Variants in VPS13D observed in about 807,000 individuals in gnomAD.
The protein encoded by VPS13D is intermembrane lipid transfer protein VPS13D.
VPS13D carries 187 observed loss-of-function variants against 461.9 expected under a neutral mutation model. That is an observed-to-expected ratio of 0.40 (90% CI 0.36 to 0.46). The LOEUF (loss-of-function observed/expected upper bound fraction) is 0.46. Among genes scored for constraint, VPS13D ranks in the 20% least tolerant of loss-of-function variants. The pLI, the probability that VPS13D is intolerant of heterozygous loss-of-function variation, is 0.60. For missense variants in VPS13D, 4,711 were observed against 5,364.9 expected, an observed-to-expected ratio of 0.88 and a Z score of 3.81; for synonymous variants, 1,951 against 1,986.3, an observed-to-expected ratio of 0.98 and a Z score of 0.47.
At chr1:12,378,222 C>T (rs1296067701) in intron 55 of VPS13D, among the ~76,000 whole-genome samples, 1 of 152,134 alleles carries the variant, frequency 6.6e-6, no homozygotes, top group East Asian at 1.9e-4. Flanking sequence ...TTGTTTGGTT[C>T]AAGAGGTTAG....
chr1:12,469,064 G>T (rs1182638817), intron 67 of VPS13D, among the ~76,000 whole-genome samples: 1 of 151,178 alleles, frequency 6.6e-6, no homozygotes, highest in Non-Finnish European at 1.5e-5. Context: ...AAAAACTTTT[G>T]TTATATTGGG....
intron 68 of VPS13D, chr1:12,500,155 A>ATT (rs1473357307): frequency 1.0e-6 from 1 of 985,072 alleles, no homozygotes; most frequent in Non-Finnish European, 1.2e-6. Context: ...ATTCTCCCAG[A>ATT]TCGAGTTGCA....
Position 12,244,493 on chromosome 1 carries a change from G to C in VPS13D, c.367-44G>C, listed in dbSNP as rs762204866. On this transcript the variant is annotated intron_variant, in intron 4 of 69. Transcript: ENST00000620676. ...AGTTGTGGTGACACGTGTAAGATGA[G>C]CAAGAACACTAGATTGAGCTAATGC... 3.7e-6 allele frequency: 6 copies of C among 1,613,808 alleles called. No homozygotes were observed. In the Admixed American group the frequency reaches 1.0e-4, roughly 27 times the overall value.
chr1:12,292,746 G>A (rs1012720045), intron 23 of VPS13D, among the ~76,000 whole-genome samples: 1 of 152,000 alleles, frequency 6.6e-6, no homozygotes, highest in Admixed American at 6.6e-5. Flanking sequence ...GCCAGTGTGT[G>A]TGTTTTTTTT....
In VPS13D at chr1:12,460,400, A is replaced by T; in HGVS notation, c.12662+4A>T. On this transcript the variant is annotated splice_donor_region_variant and intron_variant, in intron 67 of 69. Transcript: ENST00000620676. Reference sequence around the variant, plus strand: ...CAGCCACACTCAGCGGCCCCAGGTCAGTGGTGTGGGAAGAATGGCTTTTGC... The same window carrying T: ...CAGCCACACTCAGCGGCCCCAGGTCTGTGGTGTGGGAAGAATGGCTTTTGC... The T allele has an allele frequency of 6.3e-7, 1 of 1,576,526 alleles. No individual in the cohort carries two copies. The highest frequency in any genetic ancestry group is 8.6e-7 in the Non-Finnish European group (1 of 1,160,598).
At chr1:12,249,840 G>A (rs1359131572) in intron 6 of VPS13D, among the ~76,000 whole-genome samples, 1 of 152,138 alleles carries the variant, frequency 6.6e-6, no homozygotes, top group Non-Finnish European at 1.5e-5. Context: ...TCCCCCACAC[G>A]CCAAGCAGTT....
At chr1:12,338,012 C>A in intron 39 of VPS13D, 53 of 366,296 alleles carry the variant, frequency 1.4e-4, no homozygotes, top group Middle Eastern at 1.6e-3. Flanking sequence ...AAGCATGTTA[C>A]TTTGATCCAG....
chr1:12,428,940 A>G (rs1396306338), intron 65 of VPS13D, among the ~76,000 whole-genome samples: 1 of 152,228 alleles, frequency 6.6e-6, no homozygotes. Flanking sequence ...GTCTGTGCAA[A>G]CTGCACAGTT....
At chr1:12,278,661 G>A (rs1290479117) in intron 19 of VPS13D, among the ~76,000 whole-genome samples, 1 of 152,188 alleles carries the variant, frequency 6.6e-6, no homozygotes, top group Non-Finnish European at 1.5e-5. Flanking sequence ...TGTTGTTAAA[G>A]TATTGTTTAA....
intron 65 of VPS13D, among the ~76,000 whole-genome samples, chr1:12,433,679 C>T (rs1224565851): frequency 6.6e-6 from 1 of 152,118 alleles, no homozygotes; most frequent in Non-Finnish European, 1.5e-5. Flanking sequence ...AAAACTATTG[C>T]CAATGGGCAC....
chr1:12,322,661 C>T lies in VPS13D; in HGVS notation c.7830C>T (p.Asp2610=). 6.2e-7 allele frequency: 1 copy of T among 1,614,228 alleles called. No individual in the cohort carries two copies. The highest frequency in any genetic ancestry group is 8.5e-7 in the Non-Finnish European group (1 of 1,180,032). ...CAGACTCAGTGGCCCTGGAGTCAGA[C>T]TCCGTTGGCACTTACCTTCCAGGTG... ...AVPDSVALES[D]SVGTYLPGAS... The change falls in exon 34 of 70, where the codon GAC becomes GAT. Residue 2610 remains aspartate (D), a synonymous_variant. Coordinates refer to ENST00000620676, the MANE Select transcript of VPS13D (RefSeq NM_015378.4).
intron 22 of VPS13D, among the ~76,000 whole-genome samples, chr1:12,289,158 G>T (rs1351243351): frequency 6.6e-6 from 1 of 151,912 alleles, no homozygotes; most frequent in Non-Finnish European, 1.5e-5. Flanking sequence ...CTCTCTAATG[G>T]GACTTTGTAA....
chr1:12,315,616 G>A (rs917102242), intron 30 of VPS13D, among the ~76,000 whole-genome samples: 5 of 152,100 alleles, frequency 3.3e-5, no homozygotes, highest in East Asian at 1.9e-4. Context: ...CACACAGCTC[G>A]TAGGTCAAGA....
At chr1:12,320,622 G>A in intron 32 of VPS13D, among the ~76,000 whole-genome samples, 1 of 152,208 alleles carries the variant, frequency 6.6e-6, no homozygotes, top group East Asian at 1.9e-4. Flanking sequence ...TTGCATGCTG[G>A]TGTGATGTGA....
intron 60 of VPS13D, among the ~76,000 whole-genome samples, chr1:12,396,008 T>G (rs867738254): frequency 7.6e-6 from 1 of 132,146 alleles, no homozygotes; most frequent in African/African-American, 3.1e-5. Context: ...TATATATATA[T>G]ATATATATAT....
chr1:12,305,060 A>G (rs1642525126), intron 26 of VPS13D, among the ~76,000 whole-genome samples: 1 of 152,218 alleles, frequency 6.6e-6, no homozygotes, highest in South Asian at 2.1e-4. Flanking sequence ...GCATTCTGCA[A>G]GCCACTACCC....
At chr1:12,290,190 A>T (rs1183749775) in intron 22 of VPS13D, among the ~76,000 whole-genome samples, 1 of 152,128 alleles carries the variant, frequency 6.6e-6, no homozygotes, top group Non-Finnish European at 1.5e-5. Context: ...CTCATATATC[A>T]GAGTAGTTTC....
chr1:12,395,435 G>A (rs1046207750), intron 60 of VPS13D, among the ~76,000 whole-genome samples: 1 of 152,038 alleles, frequency 6.6e-6, no homozygotes, highest in Non-Finnish European at 1.5e-5. Context: ...TGCATCTTTC[G>A]GCGTGCATCT....
chr1:12,347,131 A>G (rs1408564303), intron 44 of VPS13D, among the ~76,000 whole-genome samples: 1 of 151,984 alleles, frequency 6.6e-6, no homozygotes, highest in Admixed American at 6.5e-5. Context: ...ACAAAATTTC[A>G]GGTAGGCCTG....
Sources: gnomAD v4.1 joint callset for allele counts (sites outside exome capture counted in the v4.1 genomes callset) on GRCh38, gnomAD v4.1.1 for gene constraint, MANE v1.5 for transcripts, NCBI Gene and HGNC (gene_info 2026-07-23, HGNC 2026-07-21) for gene names.